The following SNX8 variants were observed in gnomAD, a reference collection of about 807,000 sequenced individuals.
The protein encoded by SNX8 is sorting nexin-8.
In SNX8, 25 loss-of-function variants were observed where a neutral mutation model predicts 51.6. The observed-to-expected ratio is 0.48, with a 90% CI of 0.35 to 0.68. SNX8 has a LOEUF of 0.68. SNX8 is among the 30% of genes least tolerant of loss of function. The pLI, the probability that SNX8 is intolerant of heterozygous loss-of-function variation, is 0.00. For missense variants in SNX8, 695 were observed against 624.0 expected (o/e 1.11, Z -1.21); for synonymous variants, 324 against 277.0 (o/e 1.17, Z -1.68).
At chr7:2,263,426 C>G in intron 6 of SNX8, 64 bp from the exon 7 acceptor site, 1 of 1,491,498 alleles carries the variant, frequency 6.7e-7, no homozygotes, top group East Asian at 2.5e-5. Flanking sequence ...GCAGTCGAGT[C>G]TGGCATCCCC....
intron 1 of SNX8, among the ~76,000 whole-genome samples, chr7:2,303,977 TAAAAAAAAA>T (rs1796479743): frequency 6.9e-6 from 1 of 144,258 alleles, no homozygotes; most frequent in African/African-American, 2.6e-5. Flanking sequence ...AAATAAAAAA[TAAAAAAAAA>T]TAAAAACTTA....
At chr7:2,342,692 A>G (rs1778955280) in intron 1 of SNX8, among the ~76,000 whole-genome samples, 1 of 152,102 alleles carries the variant, frequency 6.6e-6, no homozygotes. Context: ...GTGCATGACA[A>G]AAGTATCACG....
chr7:2,315,052 GCATT>G (rs1312547570), upstream of SNX8, among the ~76,000 whole-genome samples: 86 of 130,396 alleles, frequency 6.6e-4, no homozygotes, highest in African/African-American at 2.5e-3. Flanking sequence ...ACTGCATCCT[GCATT>G]CATTCATTCA....
intron 8 of SNX8, 54 bp from the exon 9 acceptor site, chr7:2,257,568 C>T: frequency 3.8e-6 from 6 of 1,592,024 alleles, no homozygotes; most frequent in Non-Finnish European, 5.1e-6. Context: ...CGCCAGGGCC[C>T]TGCGGAGCCG....
At chr7:2,275,987 G>A (rs1795769596) in intron 2 of SNX8, among the ~76,000 whole-genome samples, 1 of 148,396 alleles carries the variant, frequency 6.7e-6, no homozygotes, top group Non-Finnish European at 1.5e-5. Context: ...GGCAGAGCGA[G>A]ACTCCATTTC....
At chr7:2,287,789 A>T (rs765371967) in intron 1 of SNX8, 3 of 152,148 alleles carry the variant, frequency 2.0e-5, no homozygotes, top group African/African-American at 4.8e-5. Context: ...AACAACAAAA[A>T]AACTCTATAT....
At position 2,297,564 on chromosome 7, in the gene SNX8, A is replaced by T. The variant is rs1027464566; in HGVS notation, c.94+16764T>A. 2.7e-5 allele frequency among the ~76,000 whole-genome samples: 4 copies of T among 150,464 alleles called. 1 individual carries two copies. Among genetic ancestry groups the T allele is most frequent in the African/African-American group, 9.8e-5 (4 of 40,852 alleles). On this transcript the variant is annotated intron_variant, in intron 1 of 10. Transcript: ENST00000222990. ...AAACCCCGCCGCAAAAAAAAAAAAA[A>T]AAAAAAAAAAAAATACCTGCACATG...
chr7:2,294,798 G>A (rs2115173320), intron 1 of SNX8, among the ~76,000 whole-genome samples: 1 of 152,276 alleles, frequency 6.6e-6, no homozygotes, highest in South Asian at 2.1e-4. Context: ...ACTTTGTGAG[G>A]CCAAACAGGG....
At chr7:2,349,888 C>G (rs1201813205) in intron 1 of SNX8, among the ~76,000 whole-genome samples, 1 of 152,070 alleles carries the variant, frequency 6.6e-6, no homozygotes, top group Non-Finnish European at 1.5e-5. Flanking sequence ...ACAAACCCAC[C>G]CAGGCTGGCC....
chr7:2,352,365 T>C (rs191613222), intron 1 of SNX8, among the ~76,000 whole-genome samples: 85 of 152,254 alleles, frequency 5.6e-4, no homozygotes, highest in African/African-American at 7.5e-4. Context: ...CAGTTACTTA[T>C]GGTCAATTAG....
At chr7:2,301,945 C>CA (rs1390465694) in intron 1 of SNX8, among the ~76,000 whole-genome samples, 1 of 152,150 alleles carries the variant, frequency 6.6e-6, no homozygotes, top group Non-Finnish European at 1.5e-5. Context: ...TCCAGGCTCT[C>CA]AAAGAGTTGG....
At chr7:2,299,125 G>A (rs111442750) in intron 1 of SNX8, among the ~76,000 whole-genome samples, 51 of 152,018 alleles carry the variant, frequency 3.4e-4, no homozygotes, top group Non-Finnish European at 6.9e-4. Context: ...ACGGCATCTT[G>A]TTCTCATCAG....
chr7:2,353,425 A>G (rs1014244877), intron 1 of SNX8, among the ~76,000 whole-genome samples: 1 of 152,138 alleles, frequency 6.6e-6, no homozygotes, highest in African/African-American at 2.4e-5. Flanking sequence ...GATGAAATAT[A>G]CATAAAATTT....
At chr7:2,315,444 TCATG>T (rs1196954743), upstream of SNX8, among the ~76,000 whole-genome samples, 1 of 149,350 alleles carries the variant, frequency 6.7e-6, no homozygotes, top group East Asian at 2.0e-4. Context: ...ACCCACTCAC[TCATG>T]CACTGCATCC....
intron 1 of SNX8, among the ~76,000 whole-genome samples, chr7:2,296,242 T>C (rs760800592): frequency 6.6e-6 from 1 of 151,884 alleles, no homozygotes; most frequent in African/African-American, 2.4e-5. Flanking sequence ...GTGTCATCTA[T>C]GATTTATTTC....
intron 1 of SNX8, among the ~76,000 whole-genome samples, chr7:2,320,426 T>G (rs1161514769): frequency 6.6e-6 from 1 of 151,992 alleles, no homozygotes; most frequent in Non-Finnish European, 1.5e-5. Context: ...TTATCAAAAT[T>G]TGTATGGCTA....
chr7:2,346,506 G>C (rs1408007102), intron 1 of SNX8, among the ~76,000 whole-genome samples: 1 of 151,032 alleles, frequency 6.6e-6, no homozygotes, highest in Non-Finnish European at 1.5e-5. Context: ...CCAGCACTTT[G>C]GGAGGCCGAG....
chr7:2,329,035 G>A (rs1455808683), intron 1 of SNX8, among the ~76,000 whole-genome samples: 50 of 150,986 alleles, frequency 3.3e-4, no homozygotes, highest in African/African-American at 1.1e-3. Context: ...GCAGTGAGCC[G>A]AGATCACGCC....
At chr7:2,320,781 G>A (rs1458412626) in intron 1 of SNX8, among the ~76,000 whole-genome samples, 2 of 152,054 alleles carry the variant, frequency 1.3e-5, no homozygotes, top group Non-Finnish European at 2.9e-5. Flanking sequence ...AGCAATTTGG[G>A]AGGCCGAGGC....
Sources: allele counts gnomAD v4.1 joint callset (sites outside exome capture counted in the v4.1 genomes callset), GRCh38; gene constraint gnomAD v4.1.1; transcripts MANE v1.5; gene names NCBI Gene and HGNC (gene_info 2026-07-23, HGNC 2026-07-21).